The following PSG1 variants were observed in gnomAD, a reference collection of about 807,000 sequenced individuals.
The protein encoded by PSG1 is pregnancy-specific beta-1-glycoprotein 1.
PSG1 carries 60 observed loss-of-function variants against 41.4 expected under a neutral mutation model. That is an observed-to-expected ratio of 1.45 (90% CI 1.18 to 1.80). PSG1 has a LOEUF of 1.80. Ranked by LOEUF, PSG1 falls within the 40% of genes most tolerant of loss-of-function variation. The pLI is 0.00. For missense variants in PSG1, 806 were observed against 516.9 expected (o/e 1.56, Z -5.42); for synonymous variants, 256 against 192.9 (o/e 1.33, Z -2.71).
chr19:42,868,606 G>A, intron 4 of PSG1, 150 bp downstream of exon 4: 2 of 1,503,636 alleles, frequency 1.3e-6, no homozygotes, highest in Admixed American at 2.2e-5. Context: ...TGCCTACCCA[G>A]GATTTCCCAG....
rs768736169 is a variant in PSG1 at position 42,868,246 on chromosome 19, C to G, written c.1098G>C (p.Trp366Cys). The G allele has an allele frequency of 8.7e-6, 14 of 1,612,256 alleles. No homozygotes were observed. Among genetic ancestry groups the G allele is most frequent in the South Asian group, 2.2e-5 (2 of 90,802 alleles). Reference sequence around the variant, plus strand: ...GTAGCTGAAACTTTTCATTAATTGTCCAAGAATACTGTGCCGGTGGGTTAG... The same window carrying G: ...GTAGCTGAAACTTTTCATTAATTGTGCAAGAATACTGTGCCGGTGGGTTAG... Reference protein sequence around the residue: ...ADSNPPAQYSWTINEKFQLPG... With the variant: ...ADSNPPAQYSCTINEKFQLPG... Residue 366 changes from tryptophan to cysteine, a missense_variant, in exon 5 of 6, where the codon TGG (tryptophan) becomes TGC (cysteine). By Grantham distance (215) the Trp-to-Cys change is radical (BLOSUM62 -2). Coordinates refer to ENST00000436291, the MANE Select transcript of PSG1 (RefSeq NM_001184825.2).
chr19:42,877,201 ATCT>A (rs748355657), intron 2 of PSG1, among the ~76,000 whole-genome samples: 6 of 151,606 alleles, frequency 4.0e-5, no homozygotes, highest in Non-Finnish European at 8.8e-5. Flanking sequence ...TACCTGGTAC[ATCT>A]TCTCTCTTCT....
At chr19:42,879,365 A>C (rs1392741653) in intron 1 of PSG1, among the ~76,000 whole-genome samples, 153 bp downstream of exon 1, 3 of 151,188 alleles carry the variant, frequency 2.0e-5, no homozygotes, top group Non-Finnish European at 4.4e-5. Context: ...TGTTGGCCAG[A>C]CTGATCTTGA....
At chr19:42,875,066 C>A in intron 2 of PSG1, among the ~76,000 whole-genome samples, 1 of 151,664 alleles carries the variant, frequency 6.6e-6, no homozygotes, top group East Asian at 1.9e-4. Context: ...GGACAGCAGG[C>A]CTGTCCAGCC....
intron 5 of PSG1, 76 bp downstream of exon 5, chr19:42,868,025 T>G: frequency 6.2e-7 from 1 of 1,610,870 alleles, no homozygotes. Flanking sequence ...AATACAATTG[T>G]TTTCCTGACT....
intron 2 of PSG1, among the ~76,000 whole-genome samples, chr19:42,874,505 C>T (rs1021550641): frequency 1.3e-5 from 2 of 151,620 alleles, no homozygotes; most frequent in Non-Finnish European, 2.9e-5. Flanking sequence ...CGCCACCATG[C>T]CTGGCTAATT....
rs1971772628 is a variant in PSG1, at chr19:42,879,460, C to A, written c.64+58G>T. The A allele has an allele frequency of 3.1e-6, 5 of 1,595,624 alleles. No homozygotes were observed. The East Asian group carries it at 6.8e-5, about 22-fold the overall frequency. On this transcript the variant is annotated intron_variant, in intron 1 of 5. Transcript: ENST00000436291. ...TTAGAACCCCATCCTCTCCAGGAGA[C>A]CCCATCCAGTCACTCTGCTTCCTCC...
Position 42,877,949 on chromosome 19 carries a change from T to G in PSG1, c.394A>C (p.Arg132=). The change falls in exon 2 of 6, where the codon AGA becomes CGA. Residue 132 remains arginine (R), a synonymous_variant. Transcript: ENST00000436291. The part of the protein sequence containing the change: ...LHIIKGDDGT[R]GVTGRFTFTL... ...AAGGTGAAACGTCCAGTTACTCCTC[T>G]AGTCCCATCATCTCCCTTTATGATG... The G allele has an allele frequency of 6.2e-7, 1 of 1,612,414 alleles. No individual in the cohort carries two copies. The highest frequency in any genetic ancestry group is 8.5e-7 in the Non-Finnish European group (1 of 1,179,122).
rs189374398 is a variant in PSG1, at chr19:42,868,702, G to A, written c.988+54C>T. 238 of 1,604,514 alleles carry A rather than the reference G, an allele frequency of 1.5e-4. 4 individuals carry two copies. The Admixed American group carries it at 3.8e-3, about 25-fold the overall frequency. On this transcript the variant is annotated intron_variant, in intron 4 of 5. Transcript: ENST00000436291. The stretch of plus-strand genomic sequence containing the variant: ...GAGAGACTGAGAGGCCTGGCATCTG[G>A]TGGTTTGGATTTAAGCTGGTGTCCT...
intron 3 of PSG1, chr19:42,870,181 C>T (rs1181858028): frequency 6.6e-6 from 1 of 151,778 alleles, no homozygotes; most frequent in Non-Finnish European, 1.5e-5. Flanking sequence ...CTATAGTTCA[C>T]ACAGATTGAG....
intron 5 of PSG1, chr19:42,867,377 C>G: frequency 1.7e-6 from 1 of 582,346 alleles, no homozygotes; most frequent in Non-Finnish European, 3.0e-6. Context: ...ACCATGTAGG[C>G]TGTCTTCTAA....
Position 42,872,050 on chromosome 19 carries a change from G to A in PSG1, c.431-5C>T, listed in dbSNP as rs1971415781. ...TGGAGGGCTTAGGAGTCTCCACTGT[G>A]CAGAAAACAGGGTGAAGATTGCCGT... On this transcript the variant is annotated splice_polypyrimidine_tract_variant and splice_region_variant and intron_variant, in intron 2 of 5. Transcript: ENST00000436291. 6.2e-7 allele frequency: 1 copy of A among 1,607,478 alleles called. No individual in the cohort carries two copies. Among genetic ancestry groups the A allele is most frequent in the African/African-American group, 1.3e-5 (1 of 74,530 alleles).
chr19:42,876,135 G>C lies in PSG1; in HGVS notation c.430+1778C>G, dbSNP rs899727752. Among the ~76,000 whole-genome samples the C allele has an allele frequency of 2.6e-5, 4 of 151,408 alleles. 1 individual carries two copies. The East Asian group carries it at 7.8e-4, about 29-fold the overall frequency. Reference sequence around the variant, plus strand: ...CCAGAGTGGTTAGAGGGAGTGTCTAGGGAAGGCCTAGAGGTGGAGGAAGAA... The same window carrying C: ...CCAGAGTGGTTAGAGGGAGTGTCTACGGAAGGCCTAGAGGTGGAGGAAGAA... On this transcript the variant is annotated intron_variant, in intron 2 of 5. Transcript: ENST00000436291.
At position 42,872,021 on chromosome 19, in the gene PSG1, G is replaced by A. The variant is rs868719450; in HGVS notation, c.455C>T (p.Ser152Phe). 1 of 1,612,166 alleles carries A rather than the reference G, an allele frequency of 6.2e-7. No homozygotes were observed. Among genetic ancestry groups the A allele is most frequent in the Admixed American group, 1.7e-5 (1 of 59,842 alleles). ...LHLETPKPSI[S>F]SSNLNPRETM... is the part of the protein sequence containing the mutation. Reference sequence around the variant, plus strand: ...CTCCCTGGGATTTAAGTTGCTGCTGGAGATGGAGGGCTTAGGAGTCTCCAC... The same window carrying A: ...CTCCCTGGGATTTAAGTTGCTGCTGAAGATGGAGGGCTTAGGAGTCTCCAC... The change falls in exon 3 of 6, where the codon TCC becomes TTC. Residue 152 changes from serine (S) to phenylalanine (F), a missense_variant. Transcript: ENST00000436291.
Position 42,866,832 on chromosome 19 carries a change from CA to C in PSG1, c.*301del. The C allele has an allele frequency of 3.3e-6, 2 of 603,538 alleles. No individual in the cohort carries two copies. Among genetic ancestry groups the C allele is most frequent in the South Asian group, 3.9e-5 (2 of 50,918 alleles). 37.4% of individuals were successfully genotyped at this position (603,538 alleles called of 1,614,324 possible). A position where few individuals can be genotyped will look rare whatever the true frequency, so the allele number is the denominator to read the frequency against. On this transcript the variant is annotated 3_prime_UTR_variant, in exon 6 of 6. Transcript: ENST00000436291. ...GCCAAGTGAAAGAGGCAGGCATGAG[CA>C]AGGACAGTTAAGAGGGGGGAGAGCC...
rs750950299 is a variant in PSG1, at chr19:42,878,139, G to C, written c.204C>G (p.Tyr68Ter). ...GGTAGAGGTCCCTCATTTGCCCTTTGTACCAGATGTAGCCGGTAAGATTCT... is the reference window on the plus strand; with the variant it reads ...GGTAGAGGTCCCTCATTTGCCCTTTCTACCAGATGTAGCCGGTAAGATTCT... ...LPQNLTGYIW[Y>*]KGQMRDLYHY... Residue 68 changes from tyrosine to a stop codon, truncating the protein, a stop_gained, in exon 2 of 6, where the codon TAC becomes TAG. Coordinates refer to ENST00000436291, the MANE Select transcript of PSG1 (RefSeq NM_001184825.2). LOFTEE classifies it high-confidence loss of function. 3.1e-6 allele frequency: 5 copies of C among 1,612,140 alleles called. No homozygotes were observed. Among genetic ancestry groups the C allele is most frequent in the Non-Finnish European group, 4.2e-6 (5 of 1,179,196 alleles).
chr19:42,868,455 C>A (rs1568415475), intron 4 of PSG1, 100 bp from the exon 5 acceptor site: 4 of 1,477,960 alleles, frequency 2.7e-6, no homozygotes, highest in Non-Finnish European at 3.6e-6. Context: ...CCAAGACACA[C>A]CCTCAAGTCC....
intron 3 of PSG1, 174 bp from the exon 4 acceptor site, chr19:42,869,208 G>T (rs994390226): frequency 5.8e-6 from 8 of 1,385,682 alleles, no homozygotes; most frequent in Non-Finnish European, 7.7e-6. Context: ...CTCAAAGACT[G>T]TGAGGCCGCC....
intron 2 of PSG1, among the ~76,000 whole-genome samples, chr19:42,876,018 G>T (rs1008511052): frequency 1.3e-5 from 2 of 151,270 alleles, no homozygotes; most frequent in Non-Finnish European, 2.9e-5. Context: ...AGGAAGCCTG[G>T]CAGGAGTGGC....
Sources: allele counts gnomAD v4.1 joint callset (sites outside exome capture counted in the v4.1 genomes callset), GRCh38; gene constraint gnomAD v4.1.1; transcripts MANE v1.5; gene names NCBI Gene and HGNC (gene_info 2026-07-23, HGNC 2026-07-21).